The following INTS7 variants were observed in gnomAD, a reference collection of about 807,000 sequenced individuals.
INTS7 encodes the protein integrator complex subunit 7.
A neutral mutation model predicts 109.2 loss-of-function variants in INTS7; 46 were observed. The observed-to-expected ratio is 0.42, with a 90% CI of 0.33 to 0.54. INTS7 has a LOEUF of 0.54. INTS7 is among the 20% of genes least tolerant of loss of function. INTS7 has a pLI of 0.07. For synonymous variants in INTS7, 412 were observed against 402.9 expected, an observed-to-expected ratio of 1.02 and a Z score of -0.27; for missense variants, 929 against 1,132.4, an observed-to-expected ratio of 0.82 and a Z score of 2.58.
At chr1:212,003,911 G>C (rs1665789392) in intron 7 of INTS7, among the ~76,000 whole-genome samples, 1 of 152,192 alleles carries the variant, frequency 6.6e-6, no homozygotes, top group Non-Finnish European at 1.5e-5. Context: ...CCTCCAAAGA[G>C]TGAAAAGGAA....
intron 17 of INTS7, among the ~76,000 whole-genome samples, chr1:211,947,269 C>T (rs553269806): frequency 1.8e-4 from 28 of 152,210 alleles, no homozygotes; most frequent in African/African-American, 5.5e-4. Context: ...TCAAATCTGC[C>T]TCACACATTT....
At chr1:212,015,450 G>A (rs968125202) in intron 4 of INTS7, among the ~76,000 whole-genome samples, 2 of 151,922 alleles carry the variant, frequency 1.3e-5, no homozygotes, top group Non-Finnish European at 2.9e-5. Flanking sequence ...GTCCACTCAG[G>A]GTTAAATGGA....
Position 211,982,781 on chromosome 1 carries a change from C to T in INTS7, c.1027G>A (p.Asp343Asn). The change falls in exon 9 of 20, where the codon GAT (aspartate) becomes AAT (asparagine). Residue 343 changes from aspartate (D) to asparagine (N), a missense_variant. By Grantham distance (23) the Asp-to-Asn change is conservative. Transcript: ENST00000366994. Reference protein sequence around the residue: ...GNVSSSPRSSDLVKLAQECCY... With the variant: ...GNVSSSPRSSNLVKLAQECCY... Reference sequence around the variant, plus strand: ...CACTCTTGGGCTAATTTGACTAAATCAGAAGATCTGGGAGAAGAACTCACA... The same window carrying T: ...CACTCTTGGGCTAATTTGACTAAATTAGAAGATCTGGGAGAAGAACTCACA... 1 of 1,609,556 alleles carries T rather than the reference C, an allele frequency of 6.2e-7. No individual in the cohort carries two copies. Among genetic ancestry groups the T allele is most frequent in the Non-Finnish European group, 8.5e-7 (1 of 1,177,594 alleles).
rs74724635 is a variant in INTS7, at chr1:211,942,597, C to T, written c.2602-486G>A. 0.026 allele frequency among the ~76,000 whole-genome samples: 3,924 copies of T among 152,152 alleles called. 55 individuals carry two copies. The highest frequency in any genetic ancestry group is 0.045 in the African/African-American group (1,867 of 41,508). ...ACACTAAGCAAATTTAAGTTAGGTT[C>T]CCCCCCAACAGTTAGTCTGATTTTT... On this transcript the variant is annotated intron_variant, in intron 19 of 19. Coordinates refer to ENST00000366994, the MANE Select transcript of INTS7 (RefSeq NM_015434.4). This position sits in a 1 kb window ranked among gnomAD's most constrained non-coding sequence, Gnocchi z 4.2.
At chr1:211,958,701 G>A (rs1047679360) in intron 16 of INTS7, among the ~76,000 whole-genome samples, 4 of 152,000 alleles carry the variant, frequency 2.6e-5, no homozygotes, top group African/African-American at 9.7e-5. Flanking sequence ...CATTTTTTCA[G>A]CCTTTTTTCT....
Position 211,976,576 on chromosome 1 carries a change from A to G in INTS7, c.1608+6T>C, listed in dbSNP as rs759298038. 1 of 1,612,690 alleles carries G rather than the reference A, an allele frequency of 6.2e-7. No individual in the cohort carries two copies. Among genetic ancestry groups the G allele is most frequent in the South Asian group, 1.1e-5 (1 of 90,992 alleles). ...AACCCAGTTCACTCAGAAGGGTAAC[A>G]CATACCATTCTGGAAGCCTGTCTGG... On this transcript the variant is annotated splice_donor_region_variant and intron_variant, in intron 12 of 19. Coordinates refer to ENST00000366994, the MANE Select transcript of INTS7 (RefSeq NM_015434.4).
chr1:211,952,549 A>G lies in INTS7; in HGVS notation c.2316+20T>C, dbSNP rs765153115. ...CCCACATCCATACAATAAAAGCTCAATAAAACAAATGCCACTTGCCATATA... is the reference window on the plus strand; with the variant it reads ...CCCACATCCATACAATAAAAGCTCAGTAAAACAAATGCCACTTGCCATATA... On this transcript the variant is annotated intron_variant, in intron 17 of 19. Transcript: ENST00000366994. The G allele has an allele frequency of 6.2e-7, 1 of 1,609,794 alleles. No homozygotes were observed. Among genetic ancestry groups the G allele is most frequent in the South Asian group, 1.1e-5 (1 of 89,994 alleles).
intron 7 of INTS7, among the ~76,000 whole-genome samples, chr1:211,995,253 C>T (rs1665330512): frequency 6.6e-6 from 1 of 152,100 alleles, no homozygotes; most frequent in South Asian, 2.1e-4. Flanking sequence ...GAAAGCATTA[C>T]AGACAGCATA....
intron 7 of INTS7, among the ~76,000 whole-genome samples, chr1:211,996,398 G>C (rs926618872): frequency 3.9e-5 from 6 of 151,900 alleles, no homozygotes; most frequent in Non-Finnish European, 7.4e-5. Flanking sequence ...CTCCAGCCTG[G>C]GCAACAGAGG....
At chr1:211,943,303 G>A (rs1408722114) in intron 19 of INTS7, among the ~76,000 whole-genome samples, 1 of 151,658 alleles carries the variant, frequency 6.6e-6, no homozygotes, top group African/African-American at 2.4e-5. Flanking sequence ...TGCCTCTTGA[G>A]AGGTAGGTCA....
intron 3 of INTS7, among the ~76,000 whole-genome samples, chr1:212,019,057 C>G (rs1286417311): frequency 6.6e-6 from 1 of 152,236 alleles, no homozygotes; most frequent in East Asian, 1.9e-4. Flanking sequence ...CGAGACCAGC[C>G]TGGCCAACAT....
At chr1:212,015,100 C>A (rs991647378) in intron 4 of INTS7, among the ~76,000 whole-genome samples, 6 of 141,356 alleles carry the variant, frequency 4.2e-5, no homozygotes, top group Non-Finnish European at 7.4e-5. Context: ...GGGCGGCCCC[C>A]GCCCGGGCAG....
chr1:211,986,343 T>C (rs1180516087), intron 8 of INTS7, among the ~76,000 whole-genome samples: 3 of 152,176 alleles, frequency 2.0e-5, no homozygotes, highest in African/African-American at 7.2e-5. Context: ...AAATGGTTGA[T>C]TGACATAATT....
chr1:211,991,707 G>A (rs1416878768), intron 7 of INTS7, among the ~76,000 whole-genome samples: 1 of 152,256 alleles, frequency 6.6e-6, no homozygotes, highest in Non-Finnish European at 1.5e-5. Context: ...AGAAGCTCAG[G>A]TAAAAGGACT....
chr1:212,005,131 C>T (rs1665847151), intron 7 of INTS7, among the ~76,000 whole-genome samples: 1 of 151,962 alleles, frequency 6.6e-6, no homozygotes, highest in Admixed American at 6.5e-5. Flanking sequence ...AATAACCCAT[C>T]GAGAGCAAAT....
intron 16 of INTS7, among the ~76,000 whole-genome samples, chr1:211,953,010 G>A (rs1481273679): frequency 1.3e-5 from 2 of 152,142 alleles, no homozygotes; most frequent in Non-Finnish European, 2.9e-5. Flanking sequence ...CATCTGAAAA[G>A]GGGACTATCA....
chr1:212,035,007 T>A (rs1451015274), intron 1 of INTS7, among the ~76,000 whole-genome samples: 1 of 152,258 alleles, frequency 6.6e-6, no homozygotes, highest in Non-Finnish European at 1.5e-5. Context: ...CTGAACAGAC[T>A]GAAAACCAAT....
At chr1:212,034,573 A>T in intron 1 of INTS7, among the ~76,000 whole-genome samples, 1 of 152,228 alleles carries the variant, frequency 6.6e-6, no homozygotes, top group East Asian at 1.9e-4. Context: ...CTTTACTAAC[A>T]AATTTCCGAC....
chr1:211,941,596 C>T lies in INTS7; in HGVS notation c.*228G>A, dbSNP rs1057150637. On this transcript the variant is annotated 3_prime_UTR_variant, in exon 20 of 20. Coordinates refer to ENST00000366994, the MANE Select transcript of INTS7 (RefSeq NM_015434.4). ...GGATGGTCTTGATCTCCTCGTGAGC[C>T]GCCCACCTCAGCCTCCCAAAGTGCT... 7.7e-5 allele frequency: 43 copies of T among 558,170 alleles called. No individual in the cohort carries two copies. Among genetic ancestry groups the T allele is most frequent in the Non-Finnish European group, 1.0e-4 (32 of 319,376 alleles). The allele number at this position is 558,170 out of a possible 1,614,324, so 34.6% of individuals were successfully genotyped here.
Sources: gnomAD v4.1 joint callset for allele counts (sites outside exome capture counted in the v4.1 genomes callset) on GRCh38, gnomAD v4.1.1 for gene constraint, Gnocchi (gnomAD v3.1) non-coding constraint, MANE v1.5 for transcripts, NCBI Gene and HGNC (gene_info 2026-07-23, HGNC 2026-07-21) for gene names.